Variants in GRK5 observed in about 807,000 individuals in gnomAD.
GRK5 encodes the protein g protein-coupled receptor kinase GRK5.
Under a neutral mutation model 78.4 loss-of-function variants are expected in GRK5, and 40 were observed. That is an observed-to-expected ratio of 0.51 (90% CI 0.40 to 0.66). GRK5 has a LOEUF of 0.66. Among genes scored for constraint, GRK5 ranks in the 30% least tolerant of loss-of-function variants. GRK5 has a pLI of 0.00. For missense variants in GRK5, 598 were observed against 759.9 expected (o/e 0.79, Z 2.50); for synonymous variants, 289 against 296.8 (o/e 0.97, Z 0.27).
chr10:119,271,095 G>A lies in GRK5; in HGVS notation c.53-55421G>A, dbSNP rs568642355. Reference sequence around the variant, plus strand: ...CCTAGAAGTGACTGAATAGCAGACCGGGCTTTCGTAAGTAAGCTCACACTG... The same window carrying A: ...CCTAGAAGTGACTGAATAGCAGACCAGGCTTTCGTAAGTAAGCTCACACTG... On this transcript the variant is annotated intron_variant, in intron 1 of 15. Transcript: ENST00000392870. The surrounding 1 kb of genome is among the most constrained non-coding windows in gnomAD (Gnocchi z 4.1). Among the ~76,000 whole-genome samples, 3 of 152,330 alleles carry A rather than the reference G, an allele frequency of 2.0e-5. No individual in the cohort carries two copies. The highest frequency in any genetic ancestry group is 1.3e-4 in the Admixed American group (2 of 15,296).
At chr10:119,398,223 C>G (rs998793581) in intron 4 of GRK5, among the ~76,000 whole-genome samples, 3 of 152,154 alleles carry the variant, frequency 2.0e-5, no homozygotes, top group Admixed American at 6.5e-5. Flanking sequence ...TGGTGGGGCT[C>G]TGGCTAGATA....
chr10:119,337,087 T>C (rs1850902471), intron 2 of GRK5, among the ~76,000 whole-genome samples: 1 of 152,134 alleles, frequency 6.6e-6, no homozygotes, highest in South Asian at 2.1e-4. Context: ...TTTCAAAGAC[T>C]GCTCTGCAGG....
intron 1 of GRK5, among the ~76,000 whole-genome samples, chr10:119,276,559 A>G (rs373191846): frequency 3.1e-4 from 47 of 152,338 alleles, no homozygotes; most frequent in Middle Eastern, 3.4e-3. Context: ...CGCAATAAAC[A>G]TACGTGTGCA....
intron 1 of GRK5, among the ~76,000 whole-genome samples, chr10:119,221,268 C>T (rs964288808): frequency 2.0e-5 from 3 of 152,144 alleles, no homozygotes; most frequent in Admixed American, 6.5e-5. Flanking sequence ...TGTAGGTGAA[C>T]GTTTTCCCAA....
chr10:119,212,832 T>A (rs1176456267), intron 1 of GRK5: 1 of 152,156 alleles, frequency 6.6e-6, no homozygotes, highest in East Asian at 1.9e-4. Flanking sequence ...AGCACCCATT[T>A]CTCACATCAA....
chr10:119,384,887 G>A lies in GRK5; in HGVS notation c.261+3960G>A, dbSNP rs558047788. ...AATGTTCGAAGGTGAGAACTGGGAT[G>A]GAAAAACAACTGGAGCAGGTTAAAG... On this transcript the variant is annotated intron_variant, in intron 3 of 15. Transcript: ENST00000392870. 1.8e-4 allele frequency among the ~76,000 whole-genome samples: 28 copies of A among 152,322 alleles called. No individual in the cohort carries two copies. In the South Asian group the frequency reaches 2.9e-3, roughly 16 times the overall value.
chr10:119,224,706 G>A lies in GRK5; in HGVS notation c.52+16737G>A, dbSNP rs543511602. Among the ~76,000 whole-genome samples, 13 of 152,252 alleles carry A rather than the reference G, an allele frequency of 8.5e-5. No homozygotes were observed. In the South Asian group the frequency reaches 1.0e-3, roughly 12 times the overall value. On this transcript the variant is annotated intron_variant, in intron 1 of 15. Coordinates refer to ENST00000392870, the MANE Select transcript of GRK5 (RefSeq NM_005308.3). ...TAGGATTACAGGCGTGAGCCACTGC[G>A]CCCAGCCTAGTCACCCACTTTTTAA...
chr10:119,209,434 C>G (rs1271520144), intron 1 of GRK5, among the ~76,000 whole-genome samples: 1 of 144,900 alleles, frequency 6.9e-6, no homozygotes. Context: ...TTAGGAGAGG[C>G]TTGTTACTTG....
At chr10:119,340,681 C>T (rs957914135) in intron 2 of GRK5, among the ~76,000 whole-genome samples, 2 of 152,214 alleles carry the variant, frequency 1.3e-5, no homozygotes, top group African/African-American at 4.8e-5. Flanking sequence ...GTTGTAGAAT[C>T]CCCCTTGGAC....
intron 3 of GRK5, among the ~76,000 whole-genome samples, chr10:119,387,051 C>A (rs1034045493): frequency 2.0e-5 from 3 of 152,112 alleles, no homozygotes; most frequent in Admixed American, 2.0e-4. Flanking sequence ...GTTGCCCAGG[C>A]TGGAGTGCAG....
chr10:119,364,379 C>T (rs1013167279), intron 2 of GRK5, among the ~76,000 whole-genome samples: 2 of 152,224 alleles, frequency 1.3e-5, no homozygotes, highest in African/African-American at 4.8e-5. Context: ...GATTGAAGGA[C>T]ATCTGTGAGC....
chr10:119,390,888 C>A (rs1851878701), intron 3 of GRK5, among the ~76,000 whole-genome samples: 1 of 151,528 alleles, frequency 6.6e-6, no homozygotes, highest in African/African-American at 2.4e-5. Context: ...ATGTCACCCT[C>A]TGCCACTGGG....
intron 2 of GRK5, among the ~76,000 whole-genome samples, chr10:119,360,555 G>C (rs1022329189): frequency 1.3e-4 from 19 of 151,856 alleles, no homozygotes; most frequent in Non-Finnish European, 2.8e-4. Flanking sequence ...TGTGTGAGTG[G>C]AAGGAGCCTG....
intron 1 of GRK5, among the ~76,000 whole-genome samples, chr10:119,309,466 G>A (rs1219276859): frequency 1.3e-5 from 2 of 152,214 alleles, no homozygotes. Context: ...GGACAAGGAA[G>A]GGTCCTTTCA....
chr10:119,403,769 G>A (rs1243454058), intron 4 of GRK5, among the ~76,000 whole-genome samples: 8 of 152,086 alleles, frequency 5.3e-5, no homozygotes, highest in South Asian at 2.1e-4. Flanking sequence ...AAGTAGCTGG[G>A]ATTACAGATG....
rs993997555 is a variant in GRK5 at position 119,452,476 on chromosome 10, C to G, written c.1405-195C>G. ...CATCTGAGGTGGACAGGAAGCCCAGCCAAGCCACTGGGGCCGACCCCTCCC... is the reference window on the plus strand; with the variant it reads ...CATCTGAGGTGGACAGGAAGCCCAGGCAAGCCACTGGGGCCGACCCCTCCC... On this transcript the variant is annotated intron_variant, in intron 13 of 15. Transcript: ENST00000392870. This position sits in a 1 kb window ranked among gnomAD's most constrained non-coding sequence, Gnocchi z 4.4. 4 of 581,430 alleles carry G rather than the reference C, an allele frequency of 6.9e-6. No homozygotes were observed. The highest frequency in any genetic ancestry group is 5.6e-5 in the African/African-American group (3 of 53,414). The allele number at this position is 581,430 out of a possible 1,614,324, so 36.0% of individuals were successfully genotyped here. A position where few individuals can be genotyped will look rare whatever the true frequency, so the allele number is the denominator to read the frequency against.
At chr10:119,356,255 C>G (rs1041275336) in intron 2 of GRK5, among the ~76,000 whole-genome samples, 1 of 152,200 alleles carries the variant, frequency 6.6e-6, no homozygotes, top group Non-Finnish European at 1.5e-5. Context: ...TTAGACAAAA[C>G]AAATTCTCAG....
chr10:119,238,899 A>G lies in GRK5; in HGVS notation c.52+30930A>G, dbSNP rs1200566734. On this transcript the variant is annotated intron_variant, in intron 1 of 15. Transcript: ENST00000392870. This position sits in a 1 kb window ranked among gnomAD's most constrained non-coding sequence, Gnocchi z 4.7. ...GTTGATGGTTACTCTACCATGAAAG[A>G]GCAGAAAAAGCTGAGCAGAAAACTT... Among the ~76,000 whole-genome samples, 1 of 152,166 alleles carries G rather than the reference A, an allele frequency of 6.6e-6. No homozygotes were observed. The highest frequency in any genetic ancestry group is 1.9e-4 in the East Asian group (1 of 5,188).
rs1317161917 is a variant in GRK5, at chr10:119,207,827, GGCGGCAGCCCGAGCAGCGGCAGCAGCA to G, written c.-82_-56del. On this transcript the variant is annotated 5_prime_UTR_variant, in exon 1 of 16. Coordinates refer to ENST00000392870, the MANE Select transcript of GRK5 (RefSeq NM_005308.3). ...TGGCTCCCCCGGCTCCGGCAGCAGC[GGCGGCAGCCCGAGCAGCGGCAGCAGCA>G]GCGGCAGCACCCCAGGCGCTGACAG... 1.2e-4 allele frequency: 145 copies of G among 1,257,332 alleles called. No homozygotes were observed. Among genetic ancestry groups the G allele is most frequent in the Middle Eastern group, 1.1e-3 (5 of 4,436 alleles). 77.9% of individuals were successfully genotyped at this position (1,257,332 alleles called of 1,614,324 possible). A position where few individuals can be genotyped will look rare whatever the true frequency, so the allele number is the denominator to read the frequency against.
Sources: gnomAD v4.1 joint callset for allele counts (sites outside exome capture counted in the v4.1 genomes callset) on GRCh38, gnomAD v4.1.1 for gene constraint, Gnocchi (gnomAD v3.1) non-coding constraint, MANE v1.5 for transcripts, NCBI Gene and HGNC (gene_info 2026-07-23, HGNC 2026-07-21) for gene names.